Variants in DGLUCY observed in about 807,000 individuals in gnomAD.
The protein encoded by DGLUCY is D-glutamate cyclase, mitochondrial.
In DGLUCY, 58 loss-of-function variants were observed where a neutral mutation model predicts 58.5. That is an observed-to-expected ratio of 0.99 (90% CI 0.80 to 1.23). DGLUCY has a LOEUF of 1.23. Among genes scored for constraint, DGLUCY ranks in the 50% most tolerant of loss-of-function variants. The pLI is 0.00. For missense variants in DGLUCY, 779 were observed against 784.7 expected (o/e 0.99, Z 0.09); for synonymous variants, 325 against 314.1 (o/e 1.03, Z -0.37).
chr14:91,168,541 A>C (rs921996380), intron 4 of DGLUCY, among the ~76,000 whole-genome samples: 6 of 152,128 alleles, frequency 3.9e-5, no homozygotes, highest in Non-Finnish European at 8.8e-5. Context: ...GCCAACTTGG[A>C]AACTCCTGGA....
intron 12 of DGLUCY, among the ~76,000 whole-genome samples, chr14:91,211,754 A>C (rs1885709363): frequency 6.6e-6 from 1 of 152,226 alleles, no homozygotes; most frequent in Non-Finnish European, 1.5e-5. Context: ...ACATAGGAGA[A>C]TATTTGGATG....
At chr14:91,155,115 A>G (rs914660075) in intron 1 of DGLUCY, among the ~76,000 whole-genome samples, 4 of 152,200 alleles carry the variant, frequency 2.6e-5, no homozygotes, top group East Asian at 1.9e-4. Context: ...CGCTAAGCAC[A>G]TGGTGTTATA....
At chr14:91,142,551 C>G (rs1239067565) in intron 1 of DGLUCY, among the ~76,000 whole-genome samples, 1 of 152,054 alleles carries the variant, frequency 6.6e-6, no homozygotes, top group Non-Finnish European at 1.5e-5. Flanking sequence ...CTCCCTGCCC[C>G]CACCTAAGCC....
chr14:91,117,939 A>G (rs764629378), intron 1 of DGLUCY, among the ~76,000 whole-genome samples: 3 of 152,214 alleles, frequency 2.0e-5, no homozygotes, highest in African/African-American at 4.8e-5. Flanking sequence ...AGCTTTGCCT[A>G]AAGTTGAAGT....
chr14:91,113,364 T>C (rs930091499), upstream of DGLUCY, among the ~76,000 whole-genome samples: 110 of 152,298 alleles, frequency 7.2e-4, no homozygotes, highest in African/African-American at 2.5e-3. Context: ...GTGCTCCACG[T>C]TGTCCAAGGG....
At chr14:91,132,582 G>C (rs1012748147) in intron 1 of DGLUCY, among the ~76,000 whole-genome samples, 1 of 151,420 alleles carries the variant, frequency 6.6e-6, no homozygotes, top group South Asian at 2.1e-4. Context: ...GAGTTCAAAC[G>C]ATTCTCCTGC....
intron 1 of DGLUCY, among the ~76,000 whole-genome samples, chr14:91,094,527 G>A (rs1302299718): frequency 5.9e-5 from 9 of 151,332 alleles, no homozygotes; most frequent in Non-Finnish European, 4.4e-5. Flanking sequence ...TGTAGACATG[G>A]GTGGGAGTGC....
chr14:91,182,015 CTG>C (rs1277829804), intron 8 of DGLUCY, among the ~76,000 whole-genome samples: 1 of 149,142 alleles, frequency 6.7e-6, no homozygotes, highest in Non-Finnish European at 1.5e-5. Flanking sequence ...GAGTCTCACT[CTG>C]TTGCCCAGGC....
intron 1 of DGLUCY, chr14:91,126,275 C>T (rs2045675867): frequency 6.5e-6 from 1 of 152,768 alleles, no homozygotes; most frequent in African/African-American, 2.4e-5. Flanking sequence ...ATGATCCTTC[C>T]TTGCCTCTTG....
chr14:91,222,437 A>G (rs1009727534), intron 13 of DGLUCY, among the ~76,000 whole-genome samples: 1 of 152,196 alleles, frequency 6.6e-6, no homozygotes, highest in East Asian at 1.9e-4. Context: ...TGACCAGTGG[A>G]GAAGAGAAGC....
intron 11 of DGLUCY, among the ~76,000 whole-genome samples, chr14:91,202,058 A>AAAT (rs10523866): frequency 0.027 from 3,806 of 142,588 alleles, 141 homozygotes; most frequent in African/African-American, 0.091. Flanking sequence ...TCTGTCTCAA[A>AAAT]AATAATAATA....
At chr14:91,076,367 CTACTTATAA>C (rs2044022695) in intron 1 of DGLUCY, among the ~76,000 whole-genome samples, 1 of 152,126 alleles carries the variant, frequency 6.6e-6, no homozygotes, top group Non-Finnish European at 1.5e-5. Flanking sequence ...AATCTCTAGG[CTACTTATAA>C]TACCTAATAC....
upstream of DGLUCY, among the ~76,000 whole-genome samples, chr14:91,103,179 G>A (rs2044523959): frequency 6.6e-6 from 1 of 152,110 alleles, no homozygotes; most frequent in Admixed American, 6.5e-5. Flanking sequence ...GGCTGCCTGG[G>A]GAGCTGCTGC....
chr14:91,215,615 G>A, intron 13 of DGLUCY, 59 bp downstream of exon 13: 1 of 1,609,414 alleles, frequency 6.2e-7, no homozygotes, highest in East Asian at 2.2e-5. Context: ...ATGAGCAGCA[G>A]GCCTGAGGTC....
At chr14:91,169,784 G>T (rs1242487727) in intron 4 of DGLUCY, among the ~76,000 whole-genome samples, 2 of 151,926 alleles carry the variant, frequency 1.3e-5, no homozygotes, top group African/African-American at 2.4e-5. Context: ...GGAGGTGGGG[G>T]TACGTTCTAT....
rs1595796819 is a variant in DGLUCY at position 91,160,221 on chromosome 14, G to A, written c.-29-45G>A. The stretch of plus-strand genomic sequence containing the variant: ...TGTGAGGCTGAATCTGCTGCCTTCA[G>A]GGGGCCACACTTTCTAATTTGTTCC... On this transcript the variant is annotated intron_variant, in intron 2 of 13. Coordinates refer to ENST00000256324, the MANE Select transcript of DGLUCY (RefSeq NM_001102368.3). 4 of 1,216,272 alleles carry A rather than the reference G, an allele frequency of 3.3e-6. No homozygotes were observed. In the Admixed American group the frequency reaches 5.1e-5, roughly 15 times the overall value. 75.3% of individuals were successfully genotyped at this position (1,216,272 alleles called of 1,614,324 possible).
At chr14:91,142,435 TG>T (rs1296528771) in intron 1 of DGLUCY, among the ~76,000 whole-genome samples, 2 of 152,114 alleles carry the variant, frequency 1.3e-5, no homozygotes, top group Non-Finnish European at 2.9e-5. Context: ...AGACTTATTC[TG>T]GGGTGGACCA....
At chr14:91,179,103 A>G (rs2049016390) in intron 7 of DGLUCY, among the ~76,000 whole-genome samples, 1 of 152,232 alleles carries the variant, frequency 6.6e-6, no homozygotes, top group South Asian at 2.1e-4. Context: ...TTGAACACCT[A>G]TTATGCGCAA....
chr14:91,176,308 C>T (rs2048850770), intron 7 of DGLUCY, among the ~76,000 whole-genome samples: 1 of 152,166 alleles, frequency 6.6e-6, no homozygotes, highest in African/African-American at 2.4e-5. Flanking sequence ...TCACTGCAAC[C>T]TCCAGCTCCC....
Sources: gnomAD v4.1 joint callset for allele counts (sites outside exome capture counted in the v4.1 genomes callset) on GRCh38, gnomAD v4.1.1 for gene constraint, MANE v1.5 for transcripts, NCBI Gene and HGNC (gene_info 2026-07-23, HGNC 2026-07-21) for gene names.